The following MACROD2 variants were observed in gnomAD, a reference collection of about 807,000 sequenced individuals.
The protein encoded by MACROD2 is ADP-ribose glycohydrolase MACROD2.
In MACROD2, 36 loss-of-function variants were observed where a neutral mutation model predicts 70.4. The observed-to-expected ratio is 0.51, with a 90% confidence interval of 0.39 to 0.68. The LOEUF is 0.68. MACROD2 is among the 30% of genes least tolerant of loss of function. MACROD2 has a pLI of 0.00. For missense variants in MACROD2, 496 were observed against 538.4 expected, an observed-to-expected ratio of 0.92 and a Z score of 0.78; for synonymous variants, 172 against 178.8, an observed-to-expected ratio of 0.96 and a Z score of 0.30.
Position 15,717,817 on chromosome 20 carries a change from A to G in MACROD2, c.646-144928A>G, listed in dbSNP as rs574250704. Among the ~76,000 whole-genome samples, 412 of 152,276 alleles carry G rather than the reference A, an allele frequency of 2.7e-3. 2 individuals are homozygous for G. Among genetic ancestry groups the G allele is most frequent in the Non-Finnish European group, 4.2e-3 (287 of 68,034 alleles). ...GTGTGTTCAAGAGTGACTGGAAGCA[A>G]CAAGGACAGGCAACTCTTTCAAGGA... On this transcript the variant is annotated intron_variant, in intron 8 of 17. Coordinates refer to ENST00000684519, the MANE Select transcript of MACROD2 (RefSeq NM_001351661.2).
chr20:15,807,165 A>G (rs1274114475), intron 8 of MACROD2, among the ~76,000 whole-genome samples: 1 of 152,230 alleles, frequency 6.6e-6, no homozygotes, highest in Non-Finnish European at 1.5e-5. Context: ...CTTCCACTGG[A>G]GAATCCAGCT....
rs1156775845 is a variant in MACROD2 at position 15,021,105 on chromosome 20, C to CATGT, written c.419-208835_419-208834insATGT. ...GTGTATACACGTGTATGTGTATACA[C>CATGT]GTGTATGTGTATACACGTGTGTATA... On this transcript the variant is annotated intron_variant, in intron 5 of 17. Transcript: ENST00000684519. Among the ~76,000 whole-genome samples, 12 of 123,754 alleles carry CATGT rather than the reference C, an allele frequency of 9.7e-5. 2 individuals are homozygous for CATGT. The highest frequency in any genetic ancestry group is 1.3e-4 in the African/African-American group (4 of 29,686). The allele number at this position is 123,754 out of a possible 152,430, so 81.2% of individuals were successfully genotyped here. A position where few individuals can be genotyped will look rare whatever the true frequency, so the allele number is the denominator to read the frequency against.
chr20:14,365,422 ATGTATAATAG>A (rs1447711775), intron 3 of MACROD2, among the ~76,000 whole-genome samples: 1 of 151,456 alleles, frequency 6.6e-6, no homozygotes, highest in African/African-American at 2.4e-5. Context: ...AATAATGTTC[ATGTATAATAG>A]TGTTTATAGT....
At chr20:15,772,598 C>G (rs2147021578) in intron 8 of MACROD2, among the ~76,000 whole-genome samples, 1 of 152,162 alleles carries the variant, frequency 6.6e-6, no homozygotes, top group East Asian at 1.9e-4. Flanking sequence ...ATGCCAGACT[C>G]AGGAAAGAGG....
chr20:14,976,900 G>A (rs967391068), intron 5 of MACROD2, among the ~76,000 whole-genome samples: 9 of 152,184 alleles, frequency 5.9e-5, no homozygotes, highest in African/African-American at 2.2e-4. Flanking sequence ...TATTCAGTCA[G>A]TACAGTCAAT....
chr20:15,691,560 C>T (rs758646447), intron 8 of MACROD2, among the ~76,000 whole-genome samples: 39 of 152,256 alleles, frequency 2.6e-4, no homozygotes, highest in Non-Finnish European at 4.7e-4. Context: ...ATATAGCAGT[C>T]CTGTGGCTCA....
At chr20:14,996,308 C>A (rs2074948933) in intron 5 of MACROD2, among the ~76,000 whole-genome samples, 1 of 152,132 alleles carries the variant, frequency 6.6e-6, no homozygotes, top group Admixed American at 6.5e-5. Flanking sequence ...CTGCAAATAA[C>A]CAGTACTCAG....
Position 14,189,981 on chromosome 20 carries a change from A to G in MACROD2, c.271+104253A>G, listed in dbSNP as rs74393872. ...TTTCCTGACATTTACATAAAGCTTC[A>G]CTCAAGAGGGCGCCATTAAGCAGCA... On this transcript the variant is annotated intron_variant, in intron 3 of 17. Coordinates refer to ENST00000684519, the MANE Select transcript of MACROD2 (RefSeq NM_001351661.2). Among the ~76,000 whole-genome samples, 511 of 152,290 alleles carry G rather than the reference A, an allele frequency of 3.4e-3. 4 individuals carry two copies. The highest frequency in any genetic ancestry group is 0.012 in the African/African-American group (497 of 41,562).
At chr20:16,048,108 T>G (rs765837137) in intron 17 of MACROD2, among the ~76,000 whole-genome samples, 158 of 152,156 alleles carry the variant, frequency 1.0e-3, no homozygotes, top group Non-Finnish European at 9.0e-4. Flanking sequence ...TCCTGGTGTA[T>G]GTGGCAAATG....
intron 4 of MACROD2, among the ~76,000 whole-genome samples, chr20:14,540,479 TG>T (rs1233775281): frequency 1.3e-5 from 2 of 152,152 alleles, no homozygotes; most frequent in African/African-American, 4.8e-5. Flanking sequence ...GCTCAGAAAC[TG>T]GCAGTTTCTT....
intron 5 of MACROD2, among the ~76,000 whole-genome samples, chr20:15,148,084 A>G (rs1285393985): frequency 6.6e-6 from 1 of 151,928 alleles, no homozygotes; most frequent in Non-Finnish European, 1.5e-5. Context: ...ATAAAATGAA[A>G]TAGTGGTAAA....
chr20:15,555,291 G>T (rs1432756731), intron 8 of MACROD2, among the ~76,000 whole-genome samples: 1 of 152,256 alleles, frequency 6.6e-6, no homozygotes, highest in South Asian at 2.1e-4. Context: ...TTGGAATAGG[G>T]ATGTGGAGAG....
intron 3 of MACROD2, among the ~76,000 whole-genome samples, chr20:14,209,740 G>A (rs1400336786): frequency 1.3e-5 from 2 of 152,094 alleles, no homozygotes; most frequent in Non-Finnish European, 2.9e-5. Context: ...GAATGAGCAT[G>A]GGGGGTTTTG....
intron 3 of MACROD2, among the ~76,000 whole-genome samples, chr20:14,423,449 C>T (rs13039209): frequency 0.25 from 38,411 of 151,074 alleles, 5,054 homozygotes; most frequent in Admixed American, 0.31. Context: ...CCTGTAATCC[C>T]AGCACTTTGG....
chr20:14,407,255 G>C (rs1018725166), intron 3 of MACROD2, among the ~76,000 whole-genome samples: 3 of 151,736 alleles, frequency 2.0e-5, no homozygotes, highest in African/African-American at 7.3e-5. Context: ...TTCATCTGTG[G>C]GTCTGTATTT....
At chr20:14,196,467 T>A (rs1042344771) in intron 3 of MACROD2, among the ~76,000 whole-genome samples, 2 of 152,212 alleles carry the variant, frequency 1.3e-5, no homozygotes, top group Non-Finnish European at 2.9e-5. Flanking sequence ...TGAAGTAGAA[T>A]ATTTCTGTGC....
chr20:14,872,522 G>C (rs2073500564), intron 5 of MACROD2, among the ~76,000 whole-genome samples: 1 of 151,990 alleles, frequency 6.6e-6, no homozygotes, highest in African/African-American at 2.4e-5. Flanking sequence ...ATTCACGAGG[G>C]GAAAATGGCT....
At chr20:15,808,126 G>C (rs1160733795) in intron 8 of MACROD2, among the ~76,000 whole-genome samples, 2 of 152,028 alleles carry the variant, frequency 1.3e-5, no homozygotes, top group Admixed American at 1.3e-4. Context: ...CCCTTAAAAG[G>C]GACAGGAATT....
intron 8 of MACROD2, among the ~76,000 whole-genome samples, chr20:15,595,728 A>G (rs2048737970): frequency 6.6e-6 from 1 of 152,194 alleles, no homozygotes; most frequent in Non-Finnish European, 1.5e-5. Flanking sequence ...TAGAAGTTAA[A>G]GTGGGAGAAA....
Sources: allele counts gnomAD v4.1 joint callset (sites outside exome capture counted in the v4.1 genomes callset), GRCh38; gene constraint gnomAD v4.1.1; transcripts MANE v1.5; gene names NCBI Gene and HGNC (gene_info 2026-07-23, HGNC 2026-07-21).